The following BBS9 variants were observed in gnomAD, a reference collection of about 807,000 sequenced individuals.
BBS9 encodes the protein protein PTHB1.
A neutral mutation model predicts 117.7 loss-of-function variants in BBS9; 89 were observed. That is an observed-to-expected ratio of 0.76 (90% CI 0.64 to 0.90). The LOEUF is 0.90. Ranked by LOEUF, BBS9 falls within the 40% of genes least tolerant of loss-of-function variation. The probability of loss-of-function intolerance (pLI) is 0.00; values close to 1 mark genes in which losing one functional copy is unlikely to be tolerated. For synonymous variants in BBS9, 379 were observed against 370.9 expected (o/e 1.02, Z -0.25); for missense variants, 982 against 1,042.2 (o/e 0.94, Z 0.80).
At chr7:33,565,844 TTATATATA>T (rs1554539789) in intron 21 of BBS9, among the ~76,000 whole-genome samples, 1 of 80,034 alleles carries the variant, frequency 1.2e-5, no homozygotes. Flanking sequence ...TATATACTGC[TTATATATA>T]TATATATATA....
chr7:33,582,661 T>A (rs1046554240), intron 21 of BBS9, among the ~76,000 whole-genome samples: 1 of 152,148 alleles, frequency 6.6e-6, no homozygotes, highest in Non-Finnish European at 1.5e-5. Context: ...CCATTCATTT[T>A]ATTCAATTCA....
intron 19 of BBS9, among the ~76,000 whole-genome samples, chr7:33,473,525 T>C (rs1375377166): frequency 3.9e-5 from 6 of 152,214 alleles, no homozygotes; most frequent in Non-Finnish European, 7.3e-5. Flanking sequence ...AGTTTCACCA[T>C]GTTGGCCAGG....
chr7:33,140,619 A>G (rs1413025216), intron 1 of BBS9, among the ~76,000 whole-genome samples: 3 of 152,132 alleles, frequency 2.0e-5, no homozygotes, highest in Admixed American at 2.0e-4. Flanking sequence ...TCTCCTAGGT[A>G]CTTGGCATAT....
intron 20 of BBS9, among the ~76,000 whole-genome samples, chr7:33,514,100 C>T (rs1226926710): frequency 6.6e-6 from 1 of 152,160 alleles, no homozygotes; most frequent in Admixed American, 6.5e-5. Flanking sequence ...TAAACTGTGG[C>T]ATATCAGTTG....
At chr7:33,472,679 T>C (rs577462822) in intron 19 of BBS9, among the ~76,000 whole-genome samples, 1 of 152,296 alleles carries the variant, frequency 6.6e-6, no homozygotes, top group East Asian at 1.9e-4. Flanking sequence ...TAGTTGAAAT[T>C]AATGGCATAT....
In BBS9 at chr7:33,203,376, T is replaced by G. The variant is rs569134804; in HGVS notation, c.442+25785T>G. ...GGCATGAGGCCCCAGAGTTAGCATT[T>G]CTAACAGGTTTCCAGGTGATGCCAA... On this transcript the variant is annotated intron_variant, in intron 5 of 22. Transcript: ENST00000242067. Among the ~76,000 whole-genome samples, 150 of 152,260 alleles carry G rather than the reference T, an allele frequency of 9.9e-4. 1 individual carries two copies. In the Middle Eastern group the frequency reaches 0.01, roughly 10 times the overall value.
intron 9 of BBS9, among the ~76,000 whole-genome samples, chr7:33,329,632 A>G (rs762672986): frequency 2.0e-5 from 3 of 152,156 alleles, no homozygotes; most frequent in Non-Finnish European, 2.9e-5. Flanking sequence ...ATAACCATGA[A>G]AGTAGATTAC....
intron 9 of BBS9, among the ~76,000 whole-genome samples, chr7:33,320,475 C>T (rs1811464428): frequency 6.6e-6 from 1 of 152,220 alleles, no homozygotes; most frequent in South Asian, 2.1e-4. Context: ...ACAACATTTG[C>T]TTTATCCATT....
At chr7:33,412,112 A>T (rs1457698582) in intron 19 of BBS9, among the ~76,000 whole-genome samples, 1 of 152,208 alleles carries the variant, frequency 6.6e-6, no homozygotes, top group Non-Finnish European at 1.5e-5. Context: ...GTATAGCTCA[A>T]CAATAGATTA....
intron 9 of BBS9, among the ~76,000 whole-genome samples, chr7:33,291,117 A>G (rs760177760): frequency 6.6e-5 from 10 of 152,192 alleles, no homozygotes; most frequent in Non-Finnish European, 1.2e-4. Context: ...CCTTATAAAT[A>G]CTATTTGTTT....
rs374393482 is a variant in BBS9 at position 33,507,100 on chromosome 7, G to A, written c.2298+1455G>A. 5.9e-5 allele frequency among the ~76,000 whole-genome samples: 9 copies of A among 152,296 alleles called. No homozygotes were observed. In the South Asian group the frequency reaches 1.2e-3, roughly 21 times the overall value. Reference sequence around the variant, plus strand: ...AACAATAGTAGGACCTACCCAGTAAGTTGTAATAGGGATTAAATGAGATAA... The same window carrying A: ...AACAATAGTAGGACCTACCCAGTAAATTGTAATAGGGATTAAATGAGATAA... On this transcript the variant is annotated intron_variant, in intron 20 of 22. Transcript: ENST00000242067.
At chr7:33,244,347 C>G (rs1466324784) in intron 5 of BBS9, among the ~76,000 whole-genome samples, 3 of 152,150 alleles carry the variant, frequency 2.0e-5, no homozygotes, top group East Asian at 3.8e-4. Flanking sequence ...AATTCATGAG[C>G]CTGGGAATCA....
chr7:33,346,017 G>C (rs77331305), intron 12 of BBS9, among the ~76,000 whole-genome samples: 2,151 of 152,162 alleles, frequency 0.014, 53 homozygotes, highest in African/African-American at 0.049. Context: ...TTCTCCTTCT[G>C]TTCGTGGAAC....
rs530141504 is a variant in BBS9 at position 33,410,894 on chromosome 7, G to T, written c.2115+22750G>T. ...TTTTTCTCCTTTTCACACACGTCTC[G>T]TAAGATCCATAGTACTTTTATTTTT... On this transcript the variant is annotated intron_variant, in intron 19 of 22. Coordinates refer to ENST00000242067, the MANE Select transcript of BBS9 (RefSeq NM_198428.3). 6.0e-5 allele frequency among the ~76,000 whole-genome samples: 9 copies of T among 148,832 alleles called. 1 individual carries two copies. The South Asian group carries it at 1.1e-3, about 18-fold the overall frequency.
chr7:33,582,280 A>G (rs1245981768), intron 21 of BBS9, among the ~76,000 whole-genome samples: 2 of 152,022 alleles, frequency 1.3e-5, no homozygotes, highest in Non-Finnish European at 2.9e-5. Flanking sequence ...TATGCATGCA[A>G]AAAGGCACAG....
At chr7:33,193,680 G>A (rs144704385) in intron 5 of BBS9, among the ~76,000 whole-genome samples, 1 of 152,104 alleles carries the variant, frequency 6.6e-6, no homozygotes, top group Admixed American at 6.5e-5. Flanking sequence ...AGAAGACATG[G>A]GGAGGAAGAA....
chr7:33,295,913 A>T (rs996552370), intron 9 of BBS9, among the ~76,000 whole-genome samples: 1 of 152,044 alleles, frequency 6.6e-6, no homozygotes, highest in African/African-American at 2.4e-5. Context: ...AAAAAGAGAA[A>T]TTTTTCACAT....
chr7:33,401,975 A>G lies in BBS9; in HGVS notation c.2115+13831A>G, dbSNP rs77664224. On this transcript the variant is annotated intron_variant, in intron 19 of 22. Coordinates refer to ENST00000242067, the MANE Select transcript of BBS9 (RefSeq NM_198428.3). ...GTCAGGTTGGAAAGTAAGTCATGTT[A>G]TATAGAGTTAAATAAAACCTCTCTG... Among the ~76,000 whole-genome samples the G allele has an allele frequency of 3.0e-4, 45 of 152,312 alleles. 1 individual carries two copies. The East Asian group carries it at 8.7e-3, about 29-fold the overall frequency.
At chr7:33,228,598 C>G (rs1228783023) in intron 5 of BBS9, among the ~76,000 whole-genome samples, 1 of 151,980 alleles carries the variant, frequency 6.6e-6, no homozygotes, top group Non-Finnish European at 1.5e-5. Flanking sequence ...CCTACTGTTG[C>G]CTTACTGATA....
Sources: gnomAD v4.1 joint callset for allele counts (sites outside exome capture counted in the v4.1 genomes callset) on GRCh38, gnomAD v4.1.1 for gene constraint, MANE v1.5 for transcripts, NCBI Gene and HGNC (gene_info 2026-07-23, HGNC 2026-07-21) for gene names.